Variants in PARD3 observed in about 807,000 individuals in gnomAD.
PARD3 encodes par-3 family cell polarity regulator, also known as partitioning defective 3 homolog.
A neutral mutation model predicts 155.4 loss-of-function variants in PARD3; 75 were observed. The observed-to-expected ratio is 0.48, with a 90% CI of 0.40 to 0.58. The LOEUF is 0.58. PARD3 is among the 20% of genes least tolerant of loss of function. The probability of loss-of-function intolerance (pLI) is 0.00; values close to 1 mark genes in which losing one functional copy is unlikely to be tolerated. For missense variants in PARD3, 1,642 were observed against 1,721.7 expected (o/e 0.95, Z 0.82); for synonymous variants, 576 against 610.5 (o/e 0.94, Z 0.83).
chr10:34,512,436 C>G lies in PARD3; in HGVS notation c.403+4543G>C, dbSNP rs552925015. 9.8e-5 allele frequency among the ~76,000 whole-genome samples: 15 copies of G among 152,304 alleles called. 1 individual carries two copies. The highest frequency in any genetic ancestry group is 3.9e-4 in the Admixed American group (6 of 15,302). ...AGGAGCATCGTGTTGTCTCCTAGGCCCTCTGGCCCACCCTAGTAATCTTTC... is the reference window on the plus strand; with the variant it reads ...AGGAGCATCGTGTTGTCTCCTAGGCGCTCTGGCCCACCCTAGTAATCTTTC... On this transcript the variant is annotated intron_variant, in intron 3 of 24. Coordinates refer to ENST00000374788, the MANE Select transcript of PARD3 (RefSeq NM_001184785.2).
intron 1 of PARD3, among the ~76,000 whole-genome samples, chr10:34,788,465 C>T (rs4271337): frequency 0.92 from 135,316 of 147,808 alleles, 62,054 homozygotes; most frequent in East Asian, 1. Context: ...TTTTTTTTTT[C>T]CTGAGACACA....
chr10:34,204,520 A>T (rs1394293700), intron 22 of PARD3, among the ~76,000 whole-genome samples: 1 of 152,138 alleles, frequency 6.6e-6, no homozygotes, highest in African/African-American at 2.4e-5. Flanking sequence ...ATTTAACCCA[A>T]AACTCAGGGC....
At chr10:34,411,691 G>A (rs1414869395) in intron 5 of PARD3, among the ~76,000 whole-genome samples, 2 of 151,534 alleles carry the variant, frequency 1.3e-5, no homozygotes, top group African/African-American at 4.9e-5. Flanking sequence ...ATTCCTTATA[G>A]TAAATGTTAT....
Position 34,378,463 on chromosome 10 carries a change from C to T in PARD3, c.1400-357G>A, listed in dbSNP as rs1247028926. On this transcript the variant is annotated intron_variant, in intron 9 of 24. Coordinates refer to ENST00000374788, the MANE Select transcript of PARD3 (RefSeq NM_001184785.2). ...AAACTTCTGTTAAGACCCACAGTAC[C>T]TCAAAACTCAAGTATTATTGTGCAA... 3.3e-5 allele frequency among the ~76,000 whole-genome samples: 5 copies of T among 152,204 alleles called. No homozygotes were observed. In the East Asian group the frequency reaches 7.7e-4, roughly 24 times the overall value.
intron 21 of PARD3, among the ~76,000 whole-genome samples, chr10:34,281,960 G>A (rs1234864935): frequency 3.3e-5 from 5 of 152,028 alleles, no homozygotes; most frequent in Non-Finnish European, 7.4e-5. Flanking sequence ...AATATAAGTA[G>A]TGGTTTATTT....
chr10:34,480,800 T>C (rs973035610), intron 3 of PARD3, among the ~76,000 whole-genome samples: 13 of 148,920 alleles, frequency 8.7e-5, no homozygotes, highest in South Asian at 2.1e-4. Flanking sequence ...TTTTCTTTTT[T>C]TTTTTTTTTT....
intron 1 of PARD3, among the ~76,000 whole-genome samples, chr10:34,758,320 G>A (rs558633117): frequency 2.5e-4 from 38 of 152,266 alleles, no homozygotes; most frequent in African/African-American, 7.7e-4. Flanking sequence ...TTCAAGAAAG[G>A]TAGTATGCTC....
At chr10:34,458,715 T>A (rs2077464011) in intron 4 of PARD3, among the ~76,000 whole-genome samples, 1 of 152,126 alleles carries the variant, frequency 6.6e-6, no homozygotes, top group South Asian at 2.1e-4. Context: ...GAGGGAAGTT[T>A]AACGTTTATA....
intron 22 of PARD3, among the ~76,000 whole-genome samples, chr10:34,247,653 T>C (rs1185314265): frequency 6.6e-6 from 1 of 151,992 alleles, no homozygotes; most frequent in Non-Finnish European, 1.5e-5. Context: ...AAATGAAAGA[T>C]ACAAATATTT....
chr10:34,642,483 T>G (rs530088563), intron 2 of PARD3, among the ~76,000 whole-genome samples: 1 of 151,996 alleles, frequency 6.6e-6, no homozygotes, highest in East Asian at 1.9e-4. Flanking sequence ...AGACCCTGAG[T>G]CACTCCACCT....
At chr10:34,194,000 A>C (rs1950830547) in intron 22 of PARD3, among the ~76,000 whole-genome samples, 1 of 152,182 alleles carries the variant, frequency 6.6e-6, no homozygotes. Context: ...ACTGCAGAAG[A>C]AGCAAAATGG....
chr10:34,140,338 A>T (rs1330848272), intron 22 of PARD3, among the ~76,000 whole-genome samples: 1 of 152,200 alleles, frequency 6.6e-6, no homozygotes, highest in Non-Finnish European at 1.5e-5. Flanking sequence ...CTTTCTTAAG[A>T]AATAGTAAAT....
intron 22 of PARD3, among the ~76,000 whole-genome samples, chr10:34,214,698 A>G (rs1465445281): frequency 1.3e-5 from 2 of 152,218 alleles, no homozygotes; most frequent in African/African-American, 2.4e-5. Context: ...GGTTGTTTAC[A>G]TCGGGTTCAT....
In PARD3 at chr10:34,815,021, C is replaced by A. The variant is rs1341392706; in HGVS notation, c.-26G>T. The A allele has an allele frequency of 7.2e-7, 1 of 1,391,980 alleles. No individual in the cohort carries two copies. The highest frequency in any genetic ancestry group is 9.4e-7 in the Non-Finnish European group (1 of 1,067,224). The allele number at this position is 1,391,980 out of a possible 1,614,324, so 86.2% of individuals were successfully genotyped here. On this transcript the variant is annotated 5_prime_UTR_variant, in exon 1 of 25. Transcript: ENST00000374788. ...GCCGCCGCCGCCGCGGGCGGGCCCG[C>A]GCCCCTCGCCGAGCGCAGCCGGAGC...
At chr10:34,484,913 T>C (rs999951618) in intron 3 of PARD3, among the ~76,000 whole-genome samples, 3 of 152,226 alleles carry the variant, frequency 2.0e-5, no homozygotes, top group African/African-American at 7.2e-5. Flanking sequence ...GTCATTGTGT[T>C]TGCCATGCTG....
At chr10:34,635,888 A>G (rs1056080842) in intron 2 of PARD3, among the ~76,000 whole-genome samples, 3 of 152,182 alleles carry the variant, frequency 2.0e-5, no homozygotes, top group African/African-American at 7.2e-5. Flanking sequence ...TAAAGCTGAC[A>G]GTGTGTGGGC....
chr10:34,557,228 G>A (rs1459829948), intron 2 of PARD3, among the ~76,000 whole-genome samples: 1 of 152,118 alleles, frequency 6.6e-6, no homozygotes, highest in East Asian at 1.9e-4. Context: ...AGAAAAATAG[G>A]TTATAACCAA....
intron 2 of PARD3, among the ~76,000 whole-genome samples, chr10:34,616,696 T>C (rs1235680530): frequency 1.3e-5 from 2 of 152,076 alleles, no homozygotes; most frequent in Non-Finnish European, 2.9e-5. Context: ...CCAGCACTTT[T>C]TGGGAGACCA....
intron 2 of PARD3, among the ~76,000 whole-genome samples, chr10:34,565,486 C>T (rs1042521604): frequency 2.0e-5 from 3 of 151,830 alleles, no homozygotes; most frequent in Non-Finnish European, 1.5e-5. Context: ...ATACTGGTCT[C>T]GAACTCCTGA....
Sources: allele counts gnomAD v4.1 joint callset (sites outside exome capture counted in the v4.1 genomes callset), GRCh38; gene constraint gnomAD v4.1.1; transcripts MANE v1.5; gene names NCBI Gene and HGNC (gene_info 2026-07-23, HGNC 2026-07-21).